The following NFU1 variants were observed in gnomAD, a reference collection of about 807,000 sequenced individuals.
NFU1 encodes NFU1 iron-sulfur cluster scaffold, also known as NFU1 iron-sulfur cluster scaffold homolog, mitochondrial.
Under a neutral mutation model 32.2 loss-of-function variants are expected in NFU1, and 30 were observed. The observed-to-expected ratio is 0.93, with a 90% CI of 0.70 to 1.26. The LOEUF is 1.26. NFU1 is among the 50% of genes most tolerant of loss of function. The pLI, the probability that NFU1 is intolerant of heterozygous loss-of-function variation, is 0.00. For missense variants in NFU1, 306 were observed against 306.6 expected (o/e 1.00, Z 0.02); for synonymous variants, 112 against 104.6 (o/e 1.07, Z -0.43).
At chr2:69,438,639 G>C (rs578170553), upstream of NFU1, among the ~76,000 whole-genome samples, 39 of 152,118 alleles carry the variant, frequency 2.6e-4, no homozygotes, top group African/African-American at 8.9e-4. Flanking sequence ...ACAGAGGACT[G>C]GTTTCCAGAA....
At chr2:69,400,764 G>T (rs187751209) in intron 6 of NFU1, among the ~76,000 whole-genome samples, 3 of 150,550 alleles carry the variant, frequency 2.0e-5, no homozygotes, top group Non-Finnish European at 2.9e-5. Context: ...TATTTCCTCC[G>T]CTTACCGCAT....
intron 2 of NFU1, 51 bp downstream of exon 2, chr2:69,431,851 A>G (rs1475109095): frequency 1.1e-5 from 12 of 1,068,660 alleles, no homozygotes; most frequent in Non-Finnish European, 1.8e-5. Context: ...ATCCTAGCAC[A>G]GTTCCATCAG....
At chr2:69,398,034 T>C (rs544832921) in intron 7 of NFU1, among the ~76,000 whole-genome samples, 1 of 152,142 alleles carries the variant, frequency 6.6e-6, no homozygotes, top group South Asian at 2.1e-4. Flanking sequence ...TCCCAAGAAA[T>C]TAATATTTTA....
chr2:69,404,090 G>A (rs1156404239), intron 6 of NFU1, among the ~76,000 whole-genome samples: 22 of 149,452 alleles, frequency 1.5e-4, no homozygotes, highest in South Asian at 2.1e-4. Flanking sequence ...CACCCACCTC[G>A]GCCTCCCAAA....
At chr2:69,435,654 G>T (rs575669533) in intron 1 of NFU1, among the ~76,000 whole-genome samples, 6 of 152,140 alleles carry the variant, frequency 3.9e-5, no homozygotes, top group Non-Finnish European at 7.4e-5. Context: ...GAGAACAATG[G>T]AATCAACACT....
intron 3 of NFU1, among the ~76,000 whole-genome samples, chr2:69,422,272 A>G (rs1673271565): frequency 6.6e-6 from 1 of 152,206 alleles, no homozygotes; most frequent in Non-Finnish European, 1.5e-5. Flanking sequence ...TCAGAAAAGC[A>G]GCACAATTTA....
At chr2:69,434,396 C>T (rs547981826) in intron 1 of NFU1, among the ~76,000 whole-genome samples, 1 of 152,274 alleles carries the variant, frequency 6.6e-6, no homozygotes, top group African/African-American at 2.4e-5. Flanking sequence ...CTAGCCTCGG[C>T]CTCCCAAAGT....
intron 5 of NFU1, among the ~76,000 whole-genome samples, chr2:69,411,783 A>G (rs956131572): frequency 1.3e-5 from 2 of 151,492 alleles, no homozygotes; most frequent in Admixed American, 1.3e-4. Context: ...TCGTAAACAC[A>G]GGGTTTTGCC....
chr2:69,423,901 G>T (rs993418412), intron 2 of NFU1, among the ~76,000 whole-genome samples, 184 bp from the exon 3 acceptor site: 1 of 151,908 alleles, frequency 6.6e-6, no homozygotes, highest in Non-Finnish European at 1.5e-5. Flanking sequence ...AGAGCCGGGC[G>T]CAGTGGCTCA....
chr2:69,418,424 T>C (rs747412173), intron 4 of NFU1, among the ~76,000 whole-genome samples: 1 of 152,124 alleles, frequency 6.6e-6, no homozygotes, highest in Non-Finnish European at 1.5e-5. Flanking sequence ...AAGAGAATAC[T>C]GGACTAGATG....
intron 5 of NFU1, among the ~76,000 whole-genome samples, chr2:69,412,892 G>GC (rs1672933686): frequency 6.8e-6 from 1 of 147,438 alleles, no homozygotes; most frequent in Non-Finnish European, 1.5e-5. Context: ...GACTCAATTT[G>GC]TTTTTAAGTA....
chr2:69,435,820 TTGGC>T (rs1673812252), intron 1 of NFU1, among the ~76,000 whole-genome samples: 1 of 152,174 alleles, frequency 6.6e-6, no homozygotes, highest in Non-Finnish European at 1.5e-5. Flanking sequence ...TGGCGTGATC[TTGGC>T]TCACTGCAAC....
rs756434076 is a variant in NFU1 at position 69,419,575 on chromosome 2, C to A, written c.332G>T (p.Ser111Ile). ...RQLFRIEGVK[S>I]VFFGPDFITV... is the part of the protein sequence containing the mutation. Reference sequence around the variant, plus strand: ...GATGAAATCTGGTCCAAAGAAGACACTTTTTACTCCTTCAATCCTAAATAA... The same window carrying A: ...GATGAAATCTGGTCCAAAGAAGACAATTTTTACTCCTTCAATCCTAAATAA... The change falls in exon 4 of 8, where the codon AGT (serine) becomes ATT (isoleucine). Residue 111 changes from serine (S) to isoleucine (I), a missense_variant. Transcript: ENST00000410022. 2.5e-6 allele frequency: 4 copies of A among 1,590,286 alleles called. No individual in the cohort carries two copies. The East Asian group carries it at 8.9e-5, about 36-fold the overall frequency.
At chr2:69,395,758 C>CT (rs1000194671), downstream of NFU1, 113 of 153,716 alleles carry the variant, frequency 7.4e-4, no homozygotes, top group Non-Finnish European at 1.3e-3. Context: ...TTTTTGATTT[C>CT]TTTTTTTTGG....
chr2:69,431,811 T>G (rs1673647671), intron 2 of NFU1, 91 bp downstream of exon 2: 1 of 836,928 alleles, frequency 1.2e-6, no homozygotes, highest in Non-Finnish European at 2.0e-6. Flanking sequence ...ATAGAAAATA[T>G]ACAAATTCTC....
chr2:69,439,291 A>G (rs149316175), upstream of NFU1, among the ~76,000 whole-genome samples: 1 of 152,064 alleles, frequency 6.6e-6, no homozygotes, highest in African/African-American at 2.4e-5. Flanking sequence ...CGCTAACTTC[A>G]AGAATGAAGC....
chr2:69,434,860 G>A (rs1045993273), intron 1 of NFU1, among the ~76,000 whole-genome samples: 4 of 152,222 alleles, frequency 2.6e-5, no homozygotes, highest in African/African-American at 9.6e-5. Flanking sequence ...TTCAAGGATA[G>A]ACTGGCAGGC....
intron 2 of NFU1, 116 bp downstream of exon 2, chr2:69,431,786 T>C (rs1003742113): frequency 2.7e-5 from 20 of 730,402 alleles, no homozygotes; most frequent in Non-Finnish European, 4.6e-5. Flanking sequence ...CTATATTCTA[T>C]CTATAGGCTT....
intron 7 of NFU1, among the ~76,000 whole-genome samples, chr2:69,400,018 G>A (rs1391279359): frequency 3.3e-5 from 5 of 152,024 alleles, no homozygotes; most frequent in African/African-American, 9.7e-5. Flanking sequence ...GATTACAGGC[G>A]TCTGCCACCA....
Sources: gnomAD v4.1 joint callset for allele counts (sites outside exome capture counted in the v4.1 genomes callset) on GRCh38, gnomAD v4.1.1 for gene constraint, MANE v1.5 for transcripts, NCBI Gene and HGNC (gene_info 2026-07-23, HGNC 2026-07-21) for gene names.